DMRTA1: variants seen among roughly 807,000 people sequenced by gnomAD.
DMRTA1 encodes the protein DMRT like family A1.
Under a neutral mutation model 35.2 loss-of-function variants are expected in DMRTA1, and 34 were observed. The observed-to-expected ratio is 0.97, with a 90% CI of 0.74 to 1.29. DMRTA1 has a LOEUF of 1.29. Among genes scored for constraint, DMRTA1 ranks in the 50% most tolerant of loss-of-function variants. DMRTA1 has a pLI of 0.00. For synonymous variants in DMRTA1, 344 were observed against 276.6 expected, an observed-to-expected ratio of 1.24 and a Z score of -2.42; for missense variants, 824 against 644.6, an observed-to-expected ratio of 1.28 and a Z score of -3.01.
chr9:22,451,289 C>T lies in DMRTA1; in HGVS notation c.893C>T (p.Ser298Phe). ...GAGAGTCCCAGGTCCTTATCATCCT[C>T]TGATCTGGAATCAGGAAATGAAAGT... ...GEESPRSLSS[S>F]DLESGNESEW... Residue 298 changes from serine (S) to phenylalanine (F), a missense_variant, in exon 2 of 2, where the codon TCT (serine) becomes TTT (phenylalanine). By Grantham distance (155) the Ser-to-Phe change is radical. Coordinates refer to ENST00000325870, the MANE Select transcript of DMRTA1 (RefSeq NM_022160.3). 6.2e-7 allele frequency: 1 copy of T among 1,614,118 alleles called. No individual in the cohort carries two copies. Among genetic ancestry groups the T allele is most frequent in the Non-Finnish European group, 8.5e-7 (1 of 1,179,968 alleles).
chr9:22,454,076 C>T lies in DMRTA1; in HGVS notation c.*2165C>T, dbSNP rs1263783862. 6.6e-6 allele frequency: 1 copy of T among 151,890 alleles called. No individual in the cohort carries two copies. The highest frequency in any genetic ancestry group is 1.5e-5 in the Non-Finnish European group (1 of 67,954). 9.4% of individuals were successfully genotyped at this position (151,890 alleles called of 1,614,324 possible). ...ATCATAAAACTTAATTTATATAATG[C>T]CTTACACATTCCATACTCTTTATAA... is the stretch of plus-strand genomic sequence containing the variant. On this transcript the variant is annotated 3_prime_UTR_variant, in exon 2 of 2. Coordinates refer to ENST00000325870, the MANE Select transcript of DMRTA1 (RefSeq NM_022160.3).
rs1554643963 is a variant in DMRTA1 at position 22,451,893 on chromosome 9, A to G, written c.1497A>G (p.Pro499=). 1 of 1,613,892 alleles carries G rather than the reference A, an allele frequency of 6.2e-7. No individual in the cohort carries two copies. The highest frequency in any genetic ancestry group is 8.5e-7 in the Non-Finnish European group (1 of 1,179,840). Residue 499 remains proline, a synonymous_variant, in exon 2 of 2, where the codon CCA becomes CCG. Coordinates refer to ENST00000325870, the MANE Select transcript of DMRTA1 (RefSeq NM_022160.3). ...SITCGRLYFR[P]NQDNP Reference sequence around the variant, plus strand: ...CTTGTGGCAGACTGTACTTCAGACCAAATCAGGACAATCCGTAATGTATAT... The same window carrying G: ...CTTGTGGCAGACTGTACTTCAGACCGAATCAGGACAATCCGTAATGTATAT...
intron 1 of DMRTA1, among the ~76,000 whole-genome samples, chr9:22,448,698 C>G (rs149589959): frequency 1.3e-5 from 2 of 151,962 alleles, no homozygotes; most frequent in African/African-American, 4.8e-5. Flanking sequence ...TAATTAGAAA[C>G]CTTCCTTGAA....
In DMRTA1 at chr9:22,454,566, G is replaced by A. The variant is rs1818977757; in HGVS notation, c.*2655G>A. 6.6e-6 allele frequency: 1 copy of A among 152,182 alleles called. No individual in the cohort carries two copies. Among genetic ancestry groups the A allele is most frequent in the Non-Finnish European group, 1.5e-5 (1 of 68,032 alleles). 9.4% of individuals were successfully genotyped at this position (152,182 alleles called of 1,614,324 possible). A position where few individuals can be genotyped will look rare whatever the true frequency, so the allele number is the denominator to read the frequency against. ...ACCAATGTTGGTATTATTTGACAGTGTTGGTACATCAATGAGTTCTTTGTA... is the reference window on the plus strand; with the variant it reads ...ACCAATGTTGGTATTATTTGACAGTATTGGTACATCAATGAGTTCTTTGTA... On this transcript the variant is annotated 3_prime_UTR_variant, in exon 2 of 2. Coordinates refer to ENST00000325870, the MANE Select transcript of DMRTA1 (RefSeq NM_022160.3).
Position 22,451,594 on chromosome 9 carries a change from T to G in DMRTA1, c.1198T>G (p.Phe400Val), listed in dbSNP as rs1818929297. The change falls in exon 2 of 2, where the codon TTT becomes GTT. Residue 400 changes from phenylalanine to valine, a missense_variant. Physicochemically the swap from Phe to Val is conservative, Grantham distance 50. Transcript: ENST00000325870. ...ASSFSLAGIGFGTLGNKSAFS... is the reference protein window; with the variant it reads ...ASSFSLAGIGVGTLGNKSAFS... ...AAGTTTTAGTCTTGCTGGAATTGGT[T>G]TTGGAACTCTAGGTAATAAATCAGC... The G allele has an allele frequency of 6.2e-7, 1 of 1,613,994 alleles. No homozygotes were observed. The highest frequency in any genetic ancestry group is 1.1e-5 in the South Asian group (1 of 91,086).
chr9:22,452,022 A>G lies in DMRTA1; in HGVS notation c.*111A>G. 5 of 1,247,492 alleles carry G rather than the reference A, an allele frequency of 4.0e-6. No individual in the cohort carries two copies. The highest frequency in any genetic ancestry group is 5.3e-6 in the Non-Finnish European group (5 of 938,424). The allele number at this position is 1,247,492 out of a possible 1,614,324, so 77.3% of individuals were successfully genotyped here. On this transcript the variant is annotated 3_prime_UTR_variant, in exon 2 of 2. Coordinates refer to ENST00000325870, the MANE Select transcript of DMRTA1 (RefSeq NM_022160.3). ...ACTTCAGTAAGTATGTGAGTGGATT[A>G]TGAGGTCTTAAAATGCTGGGTTTTT...
intron 1 of DMRTA1, 44 bp downstream of exon 1, chr9:22,447,776 T>C (rs1818862827): frequency 6.2e-7 from 1 of 1,608,082 alleles, no homozygotes; most frequent in African/African-American, 1.3e-5. Context: ...GAATGGTTGT[T>C]CTGGAAAGAA....
chr9:22,447,627 C>G lies in DMRTA1; in HGVS notation c.562C>G (p.Pro188Ala). 1 of 1,611,148 alleles carries G rather than the reference C, an allele frequency of 6.2e-7. No homozygotes were observed. The highest frequency in any genetic ancestry group is 8.5e-7 in the Non-Finnish European group (1 of 1,179,618). The change falls in exon 1 of 2, where the codon CCT (proline) becomes GCT (alanine). Residue 188 changes from proline (P) to alanine (A), a missense_variant. By Grantham distance (27) the Pro-to-Ala change is conservative (BLOSUM62 -1). Transcript: ENST00000325870. ...CGAGAATCCACAGTCCACGGGCGGC[C>G]CTGCGGCGGGGGCTGCGCTGGGACT... ...RAENPQSTGGPAAGAALGLGA... is the reference protein window; with the variant it reads ...RAENPQSTGGAAAGAALGLGA...
At chr9:22,449,450 A>G (rs1468011763) in intron 1 of DMRTA1, among the ~76,000 whole-genome samples, 1 of 152,188 alleles carries the variant, frequency 6.6e-6, no homozygotes, top group African/African-American at 2.4e-5. Flanking sequence ...ATATTTTCTA[A>G]ATAATCTTAT....
chr9:22,447,823 G>A (rs1298861369), intron 1 of DMRTA1, 91 bp downstream of exon 1: 2 of 1,485,464 alleles, frequency 1.3e-6, no homozygotes, highest in Non-Finnish European at 1.8e-6. Context: ...AGGCGGGCAG[G>A]AATAGTTGTT....
chr9:22,447,191 G>A lies in DMRTA1; in HGVS notation c.126G>A (p.Gln42=). ...CGTTGCCGGTACCATCGGGGATGCA[G>A]GTTCCCCCAGCGTTCCTGCGGCCGC... is the stretch of plus-strand genomic sequence containing the variant. ...SPALPVPSGM[Q]VPPAFLRPPS... The change falls in exon 1 of 2, where the codon CAG becomes CAA. Residue 42 remains glutamine, a synonymous_variant. Transcript: ENST00000325870. The A allele has an allele frequency of 6.3e-7, 1 of 1,593,836 alleles. No individual in the cohort carries two copies. Among genetic ancestry groups the A allele is most frequent in the Non-Finnish European group, 8.5e-7 (1 of 1,172,512 alleles).
intron 1 of DMRTA1, 81 bp from the exon 2 acceptor site, chr9:22,450,983 C>A: frequency 7.3e-7 from 1 of 1,366,362 alleles, no homozygotes. Flanking sequence ...ATTATATTAT[C>A]CAGCATTATT....
Position 22,453,944 on chromosome 9 carries a change from G to A in DMRTA1, c.*2033G>A, listed in dbSNP as rs1041525934. 1.3e-5 allele frequency: 2 copies of A among 152,072 alleles called. No individual in the cohort carries two copies. Among genetic ancestry groups the A allele is most frequent in the African/African-American group, 4.8e-5 (2 of 41,420 alleles). 9.4% of individuals were successfully genotyped at this position (152,072 alleles called of 1,614,324 possible). ...AAAAATCCTAGAGTTACTGCATTAT[G>A]TATGTGGTTTTATAATGATGTGCTT... is the stretch of plus-strand genomic sequence containing the variant. On this transcript the variant is annotated 3_prime_UTR_variant, in exon 2 of 2. Coordinates refer to ENST00000325870, the MANE Select transcript of DMRTA1 (RefSeq NM_022160.3).
chr9:22,448,464 A>G (rs1333909160), intron 1 of DMRTA1, among the ~76,000 whole-genome samples: 3 of 152,164 alleles, frequency 2.0e-5, no homozygotes, highest in Non-Finnish European at 4.4e-5. Flanking sequence ...GAGGTTTTTT[A>G]TCCAAGGAGT....
At position 22,447,464 on chromosome 9, in the gene DMRTA1, G is replaced by T. The variant is rs759531750; in HGVS notation, c.399G>T (p.Gln133His). The T allele has an allele frequency of 2.6e-6, 4 of 1,554,224 alleles. No individual in the cohort carries two copies. The South Asian group carries it at 3.5e-5, about 14-fold the overall frequency. The stretch of plus-strand genomic sequence containing the variant: ...AGTGCACCCTGATCGCCGAGCGCCA[G>T]CGCGTCATGGCCGCCCAGGTGGCGC... ...CAKCTLIAER[Q>H]RVMAAQVALR... The change falls in exon 1 of 2, where the codon CAG becomes CAT. Residue 133 changes from glutamine (Q) to histidine (H), a missense_variant. Transcript: ENST00000325870.
chr9:22,447,746 T>A lies in DMRTA1; in HGVS notation c.667+14T>A. ...AGGAAAAACAAGGTGAGTTGGTCTT[T>A]GATTTACTCTTTGCTCAAGGAATGG... On this transcript the variant is annotated intron_variant, in intron 1 of 1. Coordinates refer to ENST00000325870, the MANE Select transcript of DMRTA1 (RefSeq NM_022160.3). The A allele has an allele frequency of 6.2e-7, 1 of 1,613,106 alleles. No homozygotes were observed. Among genetic ancestry groups the A allele is most frequent in the Non-Finnish European group, 8.5e-7 (1 of 1,179,904 alleles).
Position 22,447,348 on chromosome 9 carries a change from C to T in DMRTA1, c.283C>T (p.Pro95Ser). ...GGTGGGCTGCGGCTACCCGCGGACGCCCAAGTGCGCCCGCTGTCGTAACCA... is the reference window on the plus strand; with the variant it reads ...GGTGGGCTGCGGCTACCCGCGGACGTCCAAGTGCGCCCGCTGTCGTAACCA... ...GAVGCGYPRT[P>S]KCARCRNHGV... Residue 95 changes from proline to serine, a missense_variant, in exon 1 of 2, where the codon CCC (proline) becomes TCC (serine). Physicochemically the swap from Pro to Ser is moderately conservative, Grantham distance 74. Transcript: ENST00000325870. The T allele has an allele frequency of 1.3e-6, 2 of 1,533,906 alleles. No individual in the cohort carries two copies. Among genetic ancestry groups the T allele is most frequent in the Admixed American group, 2.0e-5 (1 of 50,006 alleles).
In DMRTA1 at chr9:22,455,239, C is replaced by T. The variant is rs534266114; in HGVS notation, c.*3328C>T. The T allele has an allele frequency of 3.9e-5, 6 of 152,062 alleles. No homozygotes were observed. Among genetic ancestry groups the T allele is most frequent in the South Asian group, 4.2e-4 (2 of 4,812 alleles). 9.4% of individuals were successfully genotyped at this position (152,062 alleles called of 1,614,324 possible). ...ACTGAAGACAAATATTAGTACAATT[C>T]CTATAAGGTAAATACCAATATGTCT... On this transcript the variant is annotated 3_prime_UTR_variant, in exon 2 of 2. Transcript: ENST00000325870.
In DMRTA1 at chr9:22,451,787, T is replaced by G. The variant is rs1264919447; in HGVS notation, c.1391T>G (p.Leu464Ter). The G allele has an allele frequency of 6.2e-7, 1 of 1,614,104 alleles. No individual in the cohort carries two copies. Among genetic ancestry groups the G allele is most frequent in the South Asian group, 1.1e-5 (1 of 91,082 alleles). The change falls in exon 2 of 2, where the codon TTA (leucine) becomes TGA (stop). Residue 464 changes from leucine (L) to a stop codon, truncating the protein, a stop_gained. Transcript: ENST00000325870. LOFTEE classifies it high-confidence loss of function. ...CTAACACCTGGGTTAGTACCAACCT[T>G]ACCTTTTCGGCCAGCTTTGGATTAT... Reference protein sequence around the residue: ...PYLTPGLVPTLPFRPALDYAF... With the variant: ...PYLTPGLVPT
Sources: gnomAD v4.1 joint callset for allele counts (sites outside exome capture counted in the v4.1 genomes callset) on GRCh38, gnomAD v4.1.1 for gene constraint, MANE v1.5 for transcripts, NCBI Gene and HGNC (gene_info 2026-07-23, HGNC 2026-07-21) for gene names.